LRRC52: variants seen among roughly 807,000 people sequenced by gnomAD.
The protein encoded by LRRC52 is leucine-rich repeat-containing protein 52.
In LRRC52, 15 loss-of-function variants were observed where a neutral mutation model predicts 14.7. The ratio of observed to expected loss-of-function variants is 1.02; its 90% CI spans 0.68 to 1.58. The LOEUF (loss-of-function observed/expected upper bound fraction) is 1.58. Among genes scored for constraint, LRRC52 ranks in the 40% most tolerant of loss-of-function variants. The probability of loss-of-function intolerance (pLI) is 0.00; values close to 1 mark genes in which losing one functional copy is unlikely to be tolerated. For missense variants in LRRC52, 400 were observed against 387.7 expected (o/e 1.03, Z -0.27); for synonymous variants, 180 against 163.9 (o/e 1.10, Z -0.75).
At chr1:165,546,482 C>T (rs1459760010) in intron 1 of LRRC52, among the ~76,000 whole-genome samples, 1 of 152,176 alleles carries the variant, frequency 6.6e-6, no homozygotes, top group African/African-American at 2.4e-5. Flanking sequence ...CTAGAAAGCA[C>T]TATCAAAGAG....
intron 1 of LRRC52, among the ~76,000 whole-genome samples, chr1:165,552,758 G>A (rs1661159584): frequency 6.6e-6 from 1 of 152,222 alleles, no homozygotes; most frequent in South Asian, 2.1e-4. Context: ...GAAGCTCTAT[G>A]ACAGCAGATC....
rs182680848 is a variant in LRRC52, at chr1:165,552,184, C to T, written c.622+7266C>T. ...GGAACCCCTGGGTGATGCTGACACACTCCCTGACTCAGGCCAATTGGGATC... is the reference window on the plus strand; with the variant it reads ...GGAACCCCTGGGTGATGCTGACACATTCCCTGACTCAGGCCAATTGGGATC... On this transcript the variant is annotated intron_variant, in intron 1 of 1. Coordinates refer to ENST00000294818, the MANE Select transcript of LRRC52 (RefSeq NM_001005214.4). Among the ~76,000 whole-genome samples the T allele has an allele frequency of 4.8e-3, 734 of 152,228 alleles. 3 individuals carry two copies. The highest frequency in any genetic ancestry group is 6.5e-3 in the Admixed American group (100 of 15,294).
chr1:165,555,625 C>G (rs908919293), intron 1 of LRRC52, among the ~76,000 whole-genome samples: 2 of 152,188 alleles, frequency 1.3e-5, no homozygotes, highest in African/African-American at 4.8e-5. Context: ...GAGGCCAACA[C>G]AGTTCAGGCA....
chr1:165,544,593 G>C lies in LRRC52; in HGVS notation c.297G>C (p.Gly99=), dbSNP rs114654661. 41 of 1,613,546 alleles carry C rather than the reference G, an allele frequency of 2.5e-5. 1 individual carries two copies. In the East Asian group the frequency reaches 9.1e-4, roughly 36 times the overall value. Reference sequence around the variant, plus strand: ...AGGTGATGGATTATACCTTCATCGGGGTCTTCAAACTCATCTACCTTGACC... The same window carrying C: ...AGGTGATGGATTATACCTTCATCGGCGTCTTCAAACTCATCTACCTTGACC... ...IREVMDYTFI[G]VFKLIYLDLS... Residue 99 remains glycine (G), a synonymous_variant, in exon 1 of 2, where the codon GGG becomes GGC. Transcript: ENST00000294818.
intron 1 of LRRC52, among the ~76,000 whole-genome samples, chr1:165,559,675 C>A (rs562220608): frequency 6.6e-6 from 1 of 152,230 alleles, no homozygotes; most frequent in Non-Finnish European, 1.5e-5. Context: ...AGCAAAATGA[C>A]ATATAGCAAA....
At chr1:165,562,787 C>T (rs1323966002) in intron 1 of LRRC52, among the ~76,000 whole-genome samples, 1 of 152,088 alleles carries the variant, frequency 6.6e-6, no homozygotes, top group African/African-American at 2.4e-5. Flanking sequence ...ACTGAAGACT[C>T]ATGTCGATGA....
At chr1:165,555,085 C>G (rs1167726102) in intron 1 of LRRC52, among the ~76,000 whole-genome samples, 1 of 152,192 alleles carries the variant, frequency 6.6e-6, no homozygotes, top group Non-Finnish European at 1.5e-5. Context: ...AACAGACATG[C>G]TCTCATGAAA....
intron 1 of LRRC52, among the ~76,000 whole-genome samples, chr1:165,547,879 AC>A (rs1453446149): frequency 2.0e-5 from 3 of 152,184 alleles, no homozygotes; most frequent in African/African-American, 7.2e-5. Context: ...TTCTAGCCAA[AC>A]CTCAATGTAA....
In LRRC52 at chr1:165,544,372, TG is replaced by T; in HGVS notation, c.77del (p.Cys26PhefsTer12). On this transcript the variant is annotated frameshift_variant, in exon 1 of 2. Transcript: ENST00000294818. LOFTEE classifies it high-confidence loss of function. Reference sequence around the variant, plus strand: ...AATGGGGCTGGTATCAGGGTCAAAGTGTCCAAATAATTGTCTGTGTCAAGCC... The same window carrying T: ...AATGGGGCTGGTATCAGGGTCAAAGTTCCAAATAATTGTCTGTGTCAAGCC... Reference protein sequence around the residue: ...FGMGLVSGSKCPNNCLCQAQE... With the variant: ...FGMGLVSGSKXPNNCLCQAQE... The T allele has an allele frequency of 6.2e-7, 1 of 1,614,084 alleles. No homozygotes were observed. Among genetic ancestry groups the T allele is most frequent in the Non-Finnish European group, 8.5e-7 (1 of 1,179,996 alleles).
At chr1:165,546,699 C>A (rs1661027967) in intron 1 of LRRC52, among the ~76,000 whole-genome samples, 1 of 152,058 alleles carries the variant, frequency 6.6e-6, no homozygotes, top group Non-Finnish European at 1.5e-5. Context: ...TTGGCTTCCA[C>A]CCCAGCACCT....
At chr1:165,562,110 A>T (rs1319933020) in intron 1 of LRRC52, among the ~76,000 whole-genome samples, 1 of 152,232 alleles carries the variant, frequency 6.6e-6, no homozygotes, top group African/African-American at 2.4e-5. Context: ...AAGCAAGCTC[A>T]CACTGGCTTT....
At chr1:165,557,579 G>A (rs1014950798) in intron 1 of LRRC52, among the ~76,000 whole-genome samples, 1 of 152,170 alleles carries the variant, frequency 6.6e-6, no homozygotes, top group African/African-American at 2.4e-5. Flanking sequence ...GTAATCTAAT[G>A]AGTGGAGTCA....
chr1:165,547,701 C>T (rs1057124413), intron 1 of LRRC52, among the ~76,000 whole-genome samples: 7 of 152,110 alleles, frequency 4.6e-5, no homozygotes, highest in African/African-American at 1.7e-4. Flanking sequence ...TACTTACATA[C>T]CCACACGTAT....
chr1:165,547,006 A>T (rs907831200), intron 1 of LRRC52, among the ~76,000 whole-genome samples: 1 of 152,050 alleles, frequency 6.6e-6, no homozygotes, highest in Non-Finnish European at 1.5e-5. Context: ...CACAACTGCT[A>T]ATTTGCTCAT....
At chr1:165,546,402 C>T (rs777235395) in intron 1 of LRRC52, among the ~76,000 whole-genome samples, 8 of 152,198 alleles carry the variant, frequency 5.3e-5, no homozygotes, top group Non-Finnish European at 8.8e-5. Flanking sequence ...GGTTGCCTTG[C>T]CTCTCTATAA....
chr1:165,550,173 T>C (rs1001646380), intron 1 of LRRC52, among the ~76,000 whole-genome samples: 2 of 152,188 alleles, frequency 1.3e-5, no homozygotes, highest in African/African-American at 4.8e-5. Flanking sequence ...GGTCATTGAG[T>C]TCTTCCCAGG....
chr1:165,553,899 A>G (rs542404982), intron 1 of LRRC52, among the ~76,000 whole-genome samples: 2 of 152,334 alleles, frequency 1.3e-5, no homozygotes, highest in Non-Finnish European at 2.9e-5. Flanking sequence ...AATGTTTTCT[A>G]TGAAGCTTCC....
intron 1 of LRRC52, among the ~76,000 whole-genome samples, chr1:165,551,298 G>T (rs1429398686): frequency 3.3e-5 from 5 of 152,168 alleles, no homozygotes; most frequent in Non-Finnish European, 5.9e-5. Flanking sequence ...CAGGTCCTAT[G>T]CCCTGAGGTT....
In LRRC52 at chr1:165,553,876, C is replaced by T. The variant is rs148944508; in HGVS notation, c.622+8958C>T. Among the ~76,000 whole-genome samples the T allele has an allele frequency of 2.4e-3, 366 of 152,302 alleles. 1 individual carries two copies. The highest frequency in any genetic ancestry group is 8.1e-3 in the African/African-American group (336 of 41,558). ...AAAATGACTATATATCTATAAAGTA[C>T]ACATTTTCATGTAATGTTTTCTATG... On this transcript the variant is annotated intron_variant, in intron 1 of 1. Transcript: ENST00000294818.
Sources: allele counts gnomAD v4.1 joint callset (sites outside exome capture counted in the v4.1 genomes callset), GRCh38; gene constraint gnomAD v4.1.1; transcripts MANE v1.5; gene names NCBI Gene and HGNC (gene_info 2026-07-23, HGNC 2026-07-21).